TBC1D8: variants seen among roughly 807,000 people sequenced by gnomAD.
TBC1D8 encodes the protein BUB2-like protein 1.
In TBC1D8, 65 loss-of-function variants were observed where a neutral mutation model predicts 118.8. The observed-to-expected ratio is 0.55, with a 90% CI of 0.45 to 0.67. The LOEUF is 0.67. TBC1D8 is among the 30% of genes least tolerant of loss of function. The probability of loss-of-function intolerance (pLI) is 0.00; values close to 1 mark genes in which losing one functional copy is unlikely to be tolerated. For synonymous variants in TBC1D8, 566 were observed against 595.8 expected, an observed-to-expected ratio of 0.95 and a Z score of 0.73; for missense variants, 1,376 against 1,471.2, an observed-to-expected ratio of 0.94 and a Z score of 1.06.
intron 1 of TBC1D8, among the ~76,000 whole-genome samples, chr2:101,135,187 A>C (rs542952933): frequency 6.6e-6 from 1 of 152,322 alleles, no homozygotes; most frequent in East Asian, 1.9e-4. Context: ...AAGAAAAAAG[A>C]AACAAGAAAA....
chr2:101,104,564 G>T (rs1397732225), intron 1 of TBC1D8, among the ~76,000 whole-genome samples: 1 of 152,176 alleles, frequency 6.6e-6, no homozygotes, highest in African/African-American at 2.4e-5. Flanking sequence ...AAAAGCAAAG[G>T]TAGTTCAGTG....
At chr2:101,126,328 A>G (rs1161700266) in intron 1 of TBC1D8, among the ~76,000 whole-genome samples, 3 of 152,208 alleles carry the variant, frequency 2.0e-5, no homozygotes, top group African/African-American at 7.2e-5. Flanking sequence ...GTGGGCATCA[A>G]ATTCCAACAT....
intron 2 of TBC1D8, among the ~76,000 whole-genome samples, chr2:101,064,823 A>G (rs1223153872): frequency 2.0e-5 from 3 of 152,220 alleles, no homozygotes; most frequent in Admixed American, 2.0e-4. Context: ...ATTTTGTTCC[A>G]TATACCATAC....
chr2:101,099,052 C>CAA (rs59820485), intron 1 of TBC1D8, among the ~76,000 whole-genome samples: 2 of 120,466 alleles, frequency 1.7e-5, no homozygotes, highest in Non-Finnish European at 3.5e-5. Flanking sequence ...AAAAACCATC[C>CAA]AAAAAAAAAA....
intron 15 of TBC1D8, among the ~76,000 whole-genome samples, chr2:101,023,381 G>A (rs951516592): frequency 1.3e-5 from 2 of 151,792 alleles, no homozygotes; most frequent in Admixed American, 1.3e-4. Context: ...CTTGACCTTG[G>A]GTGATCCACT....
At chr2:101,009,208 A>T (rs2105355934) in intron 19 of TBC1D8, among the ~76,000 whole-genome samples, 2 of 122,434 alleles carry the variant, frequency 1.6e-5, no homozygotes, top group Middle Eastern at 8.0e-3. Context: ...CCTGGCTAAC[A>T]CCTGGCTAAC....
chr2:101,033,361 T>G (rs1007991873), intron 10 of TBC1D8, 183 bp downstream of exon 10: 1 of 734,060 alleles, frequency 1.4e-6, no homozygotes, highest in East Asian at 2.7e-5. Flanking sequence ...GATCCGTTGA[T>G]TATAAGATGA....
intron 1 of TBC1D8, among the ~76,000 whole-genome samples, chr2:101,091,152 G>C (rs1245684247): frequency 1.3e-5 from 2 of 152,154 alleles, no homozygotes; most frequent in African/African-American, 2.4e-5. Flanking sequence ...GGGCGTGGTG[G>C]CAGGCACCTG....
intron 9 of TBC1D8, among the ~76,000 whole-genome samples, chr2:101,035,232 C>T (rs2105393425): frequency 6.6e-6 from 1 of 152,260 alleles, no homozygotes; most frequent in Non-Finnish European, 1.5e-5. Flanking sequence ...CACCTGGCCT[C>T]CCACAGCACC....
At chr2:101,019,062 G>A (rs772690813) in intron 17 of TBC1D8, 1 of 1,606,730 alleles carries the variant, frequency 6.2e-7, no homozygotes, top group Non-Finnish European at 8.5e-7. Context: ...GGAAGTGGAT[G>A]AGGCCTTGGG....
chr2:101,117,569 T>C (rs998369309), intron 1 of TBC1D8, among the ~76,000 whole-genome samples: 2 of 59,474 alleles, frequency 3.4e-5, no homozygotes, highest in South Asian at 8.4e-4. Context: ...GAGGCAGAAC[T>C]TTTTTTTTTT....
chr2:101,140,592 T>C (rs549831037), intron 1 of TBC1D8, among the ~76,000 whole-genome samples: 2 of 152,156 alleles, frequency 1.3e-5, no homozygotes, highest in South Asian at 4.2e-4. Context: ...ACGTTACAGG[T>C]ACGTGTCAAT....
chr2:101,129,915 AAAG>A (rs1312460268), intron 1 of TBC1D8, among the ~76,000 whole-genome samples: 30 of 151,708 alleles, frequency 2.0e-4, no homozygotes, highest in South Asian at 1.2e-3. Context: ...AAAAAAAAAA[AAAG>A]AAAAGAAAAA....
At chr2:101,149,552 T>C (rs756640937) in intron 1 of TBC1D8, among the ~76,000 whole-genome samples, 2 of 152,234 alleles carry the variant, frequency 1.3e-5, no homozygotes, top group Non-Finnish European at 2.9e-5. Context: ...CAAACTGTCC[T>C]TATGTTTCTC....
intron 1 of TBC1D8, among the ~76,000 whole-genome samples, chr2:101,102,611 TAAAAGTAAAGGAATGAAA>T (rs1290928416): frequency 6.6e-6 from 1 of 151,416 alleles, no homozygotes; most frequent in East Asian, 1.9e-4. Context: ...TCACATAGGT[TAAAAGTAAAGGAATGAAA>T]AAAAGTAAAG....
At chr2:101,047,061 T>TAAAA (rs1681754527) in intron 5 of TBC1D8, among the ~76,000 whole-genome samples, 1 of 152,214 alleles carries the variant, frequency 6.6e-6, no homozygotes, top group Non-Finnish European at 1.5e-5. Context: ...TGGTCTTTTT[T>TAAAA]CCTTTCCGCT....
At chr2:101,078,490 A>C (rs1336762792) in intron 2 of TBC1D8, among the ~76,000 whole-genome samples, 2 of 152,162 alleles carry the variant, frequency 1.3e-5, no homozygotes, top group Admixed American at 1.3e-4. Context: ...CAGTGATAAG[A>C]CTGGCCATAT....
intron 1 of TBC1D8, among the ~76,000 whole-genome samples, chr2:101,127,913 C>G (rs1169945749): frequency 6.6e-6 from 1 of 152,224 alleles, no homozygotes; most frequent in Non-Finnish European, 1.5e-5. Flanking sequence ...GAACCACAAA[C>G]AGGTAAGGAC....
In TBC1D8 at chr2:101,040,245, G is replaced by A. The variant is rs775198232; in HGVS notation, c.1013C>T (p.Ser338Phe). The A allele has an allele frequency of 6.2e-7, 1 of 1,613,928 alleles. No individual in the cohort carries two copies. The highest frequency in any genetic ancestry group is 1.3e-5 in the African/African-American group (1 of 74,938). ...RCHTTGRMFA[S>F]DSYICFASRE... ...GCTGGCAAAGCAGATGTAGCTGTCA[G>A]AGGCGAACATCCGCCCCGTGGTGTG... The change falls in exon 6 of 20, where the codon TCT becomes TTT. Residue 338 changes from serine to phenylalanine, a missense_variant. Physicochemically the swap from Ser to Phe is radical, Grantham distance 155 (BLOSUM62 -2). Coordinates refer to ENST00000409318, the MANE Select transcript of TBC1D8 (RefSeq NM_001330348.2).
Sources: gnomAD v4.1 joint callset for allele counts (sites outside exome capture counted in the v4.1 genomes callset) on GRCh38, gnomAD v4.1.1 for gene constraint, MANE v1.5 for transcripts, NCBI Gene and HGNC (gene_info 2026-07-23, HGNC 2026-07-21) for gene names.